Variants in RASGRF2 observed in about 807,000 individuals in gnomAD.
RASGRF2 encodes the protein Ras protein specific guanine nucleotide releasing factor 2.
RASGRF2 carries 76 observed loss-of-function variants against 151.0 expected under a neutral mutation model. That is an observed-to-expected ratio of 0.50 (90% CI 0.42 to 0.61). The LOEUF (loss-of-function observed/expected upper bound fraction) is 0.61, where lower values mean the gene tolerates loss of function less well. Ranked by LOEUF, RASGRF2 falls within the 20% of genes least tolerant of loss-of-function variation. The pLI is 0.00. For missense variants in RASGRF2, 1,148 were observed against 1,564.6 expected (o/e 0.73, Z 4.49); for synonymous variants, 504 against 566.5 (o/e 0.89, Z 1.57).
Position 81,138,495 on chromosome 5 carries a change from A to G in RASGRF2, c.2686+11332A>G, listed in dbSNP as rs1561226990. 2.6e-5 allele frequency among the ~76,000 whole-genome samples: 4 copies of G among 152,258 alleles called. No individual in the cohort carries two copies. In the South Asian group the frequency reaches 8.3e-4, roughly 32 times the overall value. ...TAGAGAAGGCCCTGGGCATATTTCC[A>G]GTGTTACTCTTCCCCTCTCCCTGCA... On this transcript the variant is annotated intron_variant, in intron 17 of 26. Transcript: ENST00000265080.
intron 1 of RASGRF2, among the ~76,000 whole-genome samples, chr5:80,993,595 T>A (rs1379323160): frequency 1.3e-5 from 2 of 152,180 alleles, no homozygotes; most frequent in East Asian, 3.9e-4. Context: ...AGAGATGATT[T>A]ACCAAGGGAG....
intron 19 of RASGRF2, among the ~76,000 whole-genome samples, chr5:81,205,222 T>C (rs1755478669): frequency 6.6e-6 from 1 of 152,226 alleles, no homozygotes; most frequent in Admixed American, 6.5e-5. Flanking sequence ...AGAAGGCTCC[T>C]GCTCCCCCTT....
intron 17 of RASGRF2, among the ~76,000 whole-genome samples, chr5:81,171,405 AT>A (rs1561243396): frequency 6.6e-6 from 1 of 152,212 alleles, no homozygotes; most frequent in Admixed American, 6.5e-5. Flanking sequence ...GCGACATCTT[AT>A]CCACAGGAGG....
In RASGRF2 at chr5:80,998,934, G is replaced by A. The variant is rs868755872; in HGVS notation, c.288+37908G>A. 5.3e-5 allele frequency among the ~76,000 whole-genome samples: 8 copies of A among 152,094 alleles called. No homozygotes were observed. In the South Asian group the frequency reaches 1.2e-3, roughly 24 times the overall value. ...AGATAACTTTTTTTCTTTTGGTAAC[G>A]GACTCTTGGCCTTTTCCACTTGGGT... On this transcript the variant is annotated intron_variant, in intron 1 of 26. Transcript: ENST00000265080.
chr5:81,224,254 G>A (rs752151826), intron 26 of RASGRF2, among the ~76,000 whole-genome samples: 15 of 152,120 alleles, frequency 9.9e-5, no homozygotes, highest in Non-Finnish European at 1.6e-4. Context: ...GTGGGACATC[G>A]TTTTCACTTA....
At chr5:80,986,811 C>T (rs1024672934) in intron 1 of RASGRF2, among the ~76,000 whole-genome samples, 7 of 152,188 alleles carry the variant, frequency 4.6e-5, no homozygotes, top group Non-Finnish European at 8.8e-5. Context: ...CTCCACATTG[C>T]CATGGCACCT....
intron 1 of RASGRF2, among the ~76,000 whole-genome samples, chr5:80,995,255 C>CA (rs11369891): frequency 0.82 from 96,736 of 117,994 alleles, 39,409 homozygotes; most frequent in Middle Eastern, 0.9. Context: ...GACTCCGTCT[C>CA]AAAAAAAAAA....
intron 5 of RASGRF2, among the ~76,000 whole-genome samples, chr5:81,074,539 T>C (rs1258612035): frequency 1.3e-5 from 2 of 152,174 alleles, no homozygotes; most frequent in Non-Finnish European, 2.9e-5. Context: ...TCAGTGTTTC[T>C]CAATTTTGAT....
At position 81,180,297 on chromosome 5, in the gene RASGRF2, CATTA is replaced by C; in HGVS notation, c.2793+21_2793+24del. The C allele has an allele frequency of 6.9e-7, 1 of 1,454,248 alleles. No individual in the cohort carries two copies. The highest frequency in any genetic ancestry group is 9.7e-7 in the Non-Finnish European group (1 of 1,034,980). 90.1% of individuals were successfully genotyped at this position (1,454,248 alleles called of 1,614,324 possible). ...GCACGCACAGGTAAGTCAGTGCCCT[CATTA>C]ATTACTTGCAAGGATTTTTTAAAAA... On this transcript the variant is annotated intron_variant, in intron 18 of 26. Coordinates refer to ENST00000265080, the MANE Select transcript of RASGRF2 (RefSeq NM_006909.3).
chr5:81,041,137 A>G (rs1235571347), intron 1 of RASGRF2, among the ~76,000 whole-genome samples: 1 of 152,070 alleles, frequency 6.6e-6, no homozygotes, highest in Non-Finnish European at 1.5e-5. Context: ...CTTCGTCTCT[A>G]CCAAAAATAC....
At chr5:81,097,473 A>G (rs1752579946) in intron 12 of RASGRF2, among the ~76,000 whole-genome samples, 1 of 152,226 alleles carries the variant, frequency 6.6e-6, no homozygotes, top group South Asian at 2.1e-4. Flanking sequence ...TAATTTGGGG[A>G]AGACCAAAAA....
intron 8 of RASGRF2, among the ~76,000 whole-genome samples, chr5:81,086,575 TC>T (rs1467426924): frequency 2.0e-5 from 3 of 152,200 alleles, no homozygotes; most frequent in Non-Finnish European, 4.4e-5. Context: ...CATGTTGCTT[TC>T]CTGTTGCACT....
intron 1 of RASGRF2, 118 bp downstream of exon 1, chr5:80,961,144 TC>T (rs1317848895): frequency 3.4e-6 from 4 of 1,166,636 alleles, no homozygotes; most frequent in Admixed American, 6.2e-5. Flanking sequence ...TGCTCCGAAA[TC>T]CCCCCGCGTC....
chr5:81,092,008 A>G (rs945469781), intron 9 of RASGRF2, among the ~76,000 whole-genome samples: 1 of 152,156 alleles, frequency 6.6e-6, no homozygotes, highest in African/African-American at 2.4e-5. Context: ...TTGGTTTGAT[A>G]TTTAACTTAG....
chr5:81,144,354 C>T (rs1468766498), intron 17 of RASGRF2, among the ~76,000 whole-genome samples: 1 of 152,150 alleles, frequency 6.6e-6, no homozygotes, highest in Non-Finnish European at 1.5e-5. Flanking sequence ...GGAGAATATC[C>T]CCTTAGACTG....
At chr5:81,131,495 C>T (rs1451212124) in intron 17 of RASGRF2, among the ~76,000 whole-genome samples, 2 of 152,078 alleles carry the variant, frequency 1.3e-5, no homozygotes, top group Non-Finnish European at 2.9e-5. Flanking sequence ...GCTGGGACTA[C>T]AGGTGTGTGC....
chr5:81,207,135 T>C, intron 20 of RASGRF2, 111 bp from the exon 21 acceptor site: 1 of 945,786 alleles, frequency 1.1e-6, no homozygotes, highest in South Asian at 1.6e-5. Context: ...AGTTAGAATT[T>C]AGTGGTGAAC....
At chr5:81,057,695 A>C (rs1344185581) in intron 2 of RASGRF2, among the ~76,000 whole-genome samples, 1 of 152,146 alleles carries the variant, frequency 6.6e-6, no homozygotes, top group Non-Finnish European at 1.5e-5. Flanking sequence ...TGATGAGGAC[A>C]TTAAAAAACC....
At chr5:81,047,700 A>G (rs1750881501) in intron 2 of RASGRF2, among the ~76,000 whole-genome samples, 1 of 152,260 alleles carries the variant, frequency 6.6e-6, no homozygotes, top group Non-Finnish European at 1.5e-5. Context: ...TCACCCTGTC[A>G]GTCTCCAACC....
Sources: gnomAD v4.1 joint callset for allele counts (sites outside exome capture counted in the v4.1 genomes callset) on GRCh38, gnomAD v4.1.1 for gene constraint, MANE v1.5 for transcripts, NCBI Gene and HGNC (gene_info 2026-07-23, HGNC 2026-07-21) for gene names.